Variants in CTNNA2 observed in about 807,000 individuals in gnomAD.
CTNNA2 encodes the protein catenin alpha 2, also known as catenin alpha-2.
CTNNA2 carries 42 observed loss-of-function variants against 101.0 expected under a neutral mutation model. That is an observed-to-expected ratio of 0.42 (90% CI 0.32 to 0.54). The LOEUF (loss-of-function observed/expected upper bound fraction) is 0.54. CTNNA2 is among the 20% of genes least tolerant of loss of function. The pLI is 0.14. For missense variants in CTNNA2, 871 were observed against 1,223.1 expected, an observed-to-expected ratio of 0.71 and a Z score of 4.29; for synonymous variants, 450 against 456.4, an observed-to-expected ratio of 0.99 and a Z score of 0.18.
At chr2:79,702,654 G>C (rs1039113111) in intron 2 of CTNNA2, among the ~76,000 whole-genome samples, 16 of 152,098 alleles carry the variant, frequency 1.1e-4, no homozygotes, top group Non-Finnish European at 2.2e-4. Flanking sequence ...ATATTTTCTT[G>C]TACTAGGTTC....
intron 4 of CTNNA2, among the ~76,000 whole-genome samples, chr2:79,447,741 A>C (rs1678849496): frequency 6.6e-6 from 1 of 152,060 alleles, no homozygotes; most frequent in Non-Finnish European, 1.5e-5. Flanking sequence ...TGCAAACCAC[A>C]CTTTATGTAA....
chr2:79,474,456 T>C (rs1671031377), intron 4 of CTNNA2, among the ~76,000 whole-genome samples: 1 of 152,154 alleles, frequency 6.6e-6, no homozygotes, highest in African/African-American at 2.4e-5. Flanking sequence ...GCAAAGCATA[T>C]GTGAAGAAAA....
intron 7 of CTNNA2, among the ~76,000 whole-genome samples, chr2:80,376,194 C>T (rs949250023): frequency 1.3e-5 from 2 of 152,042 alleles, no homozygotes; most frequent in African/African-American, 4.8e-5. Context: ...ATTCCTAAAT[C>T]CTAAATTCCT....
intron 4 of CTNNA2, among the ~76,000 whole-genome samples, chr2:79,427,632 A>T (rs1558664434): frequency 2.0e-5 from 3 of 150,290 alleles, no homozygotes; most frequent in African/African-American, 7.3e-5. Context: ...TAAAAAAAAA[A>T]TAATAACTGT....
intron 1 of CTNNA2, among the ~76,000 whole-genome samples, chr2:79,614,363 C>T (rs1314342849): frequency 1.3e-5 from 2 of 152,042 alleles, no homozygotes; most frequent in Non-Finnish European, 2.9e-5. Context: ...GTTTTTCTGA[C>T]ATATTATCAA....
At chr2:80,310,237 G>T (rs1156598816) in intron 7 of CTNNA2, among the ~76,000 whole-genome samples, 5 of 152,128 alleles carry the variant, frequency 3.3e-5, no homozygotes, top group Admixed American at 3.3e-4. Context: ...TGAATAATGT[G>T]TTTTCTCTCC....
At chr2:80,012,471 A>T (rs1017431255) in intron 7 of CTNNA2, among the ~76,000 whole-genome samples, 24 of 152,148 alleles carry the variant, frequency 1.6e-4, no homozygotes, top group African/African-American at 5.6e-4. Flanking sequence ...TCTGCCCACC[A>T]AAGTACCTTT....
Position 80,375,562 on chromosome 2 carries a change from CTTTTTT to C in CTNNA2, c.1057-17634_1057-17629del, listed in dbSNP as rs199662476. ...CCTTTTGATTCCTGGTTTCTGGCTT[CTTTTTT>C]TTTTTTTTTTTTTTGAGATGGAGTC... is the stretch of plus-strand genomic sequence containing the variant. On this transcript the variant is annotated intron_variant, in intron 7 of 18. Transcript: ENST00000402739. Among the ~76,000 whole-genome samples, 31 of 105,604 alleles carry C rather than the reference CTTTTTT, an allele frequency of 2.9e-4. 1 individual carries two copies. The highest frequency in any genetic ancestry group is 1.1e-3 in the African/African-American group (26 of 24,062). The allele number at this position is 105,604 out of a possible 152,430, so 69.3% of individuals were successfully genotyped here.
chr2:79,968,748 T>G (rs967942852), intron 7 of CTNNA2, among the ~76,000 whole-genome samples: 6 of 152,158 alleles, frequency 3.9e-5, no homozygotes, highest in Non-Finnish European at 7.4e-5. Context: ...TTTCGTATGG[T>G]TACTTGATAT....
intron 4 of CTNNA2, among the ~76,000 whole-genome samples, chr2:79,394,655 A>G (rs1678210546): frequency 1.3e-5 from 2 of 152,092 alleles, no homozygotes; most frequent in African/African-American, 4.8e-5. Context: ...TACCCTTCTG[A>G]CCCTGCAGGA....
chr2:79,967,257 A>G (rs1473221349), intron 7 of CTNNA2, among the ~76,000 whole-genome samples: 9 of 151,784 alleles, frequency 5.9e-5, no homozygotes, highest in Admixed American at 5.9e-4. Context: ...AACTGTTCCT[A>G]CCCCAACCAT....
chr2:79,920,918 T>G (rs1354297548), intron 7 of CTNNA2, among the ~76,000 whole-genome samples: 1 of 152,128 alleles, frequency 6.6e-6, no homozygotes, highest in Non-Finnish European at 1.5e-5. Context: ...TGTTTCGGCA[T>G]GAGCTCTTAA....
At chr2:79,667,468 G>A (rs1426372175) in intron 2 of CTNNA2, among the ~76,000 whole-genome samples, 2 of 152,142 alleles carry the variant, frequency 1.3e-5, no homozygotes, top group East Asian at 1.9e-4. Context: ...TGTATTTGGA[G>A]TTCTTTTGAA....
intron 7 of CTNNA2, among the ~76,000 whole-genome samples, chr2:80,348,340 T>A (rs1672965743): frequency 6.6e-6 from 1 of 152,198 alleles, no homozygotes; most frequent in Non-Finnish European, 1.5e-5. Context: ...TTAATTGAAT[T>A]TCATTTCCGA....
chr2:80,627,437 T>C (rs1452086007), intron 18 of CTNNA2, among the ~76,000 whole-genome samples: 9 of 152,196 alleles, frequency 5.9e-5, no homozygotes, highest in Non-Finnish European at 7.3e-5. Context: ...TATCTCATTG[T>C]GGCTTTGATT....
chr2:80,145,879 G>A (rs1703299139), intron 7 of CTNNA2, among the ~76,000 whole-genome samples: 1 of 152,210 alleles, frequency 6.6e-6, no homozygotes, highest in African/African-American at 2.4e-5. Context: ...GTGGATTATA[G>A]ATGTCTAAAG....
intron 2 of CTNNA2, among the ~76,000 whole-genome samples, chr2:79,283,791 T>C (rs1449518887): frequency 9.1e-6 from 1 of 109,792 alleles, no homozygotes. Context: ...TCCAATTCTG[T>C]GAAGAAAGGC....
intron 1 of CTNNA2, among the ~76,000 whole-genome samples, chr2:79,518,572 A>G (rs537962646): frequency 7.2e-5 from 11 of 152,188 alleles, no homozygotes; most frequent in Non-Finnish European, 2.9e-5. Flanking sequence ...GTTCTTCCAC[A>G]TCCCACCCAG....
intron 7 of CTNNA2, among the ~76,000 whole-genome samples, chr2:80,337,408 C>T (rs1008785775): frequency 6.6e-6 from 1 of 151,686 alleles, no homozygotes; most frequent in Non-Finnish European, 1.5e-5. Flanking sequence ...AAAAAAAAGT[C>T]ACAAGCTCTT....
Sources: gnomAD v4.1 joint callset for allele counts (sites outside exome capture counted in the v4.1 genomes callset) on GRCh38, gnomAD v4.1.1 for gene constraint, MANE v1.5 for transcripts, NCBI Gene and HGNC (gene_info 2026-07-23, HGNC 2026-07-21) for gene names.